The following MAGI2 variants were observed in gnomAD, a reference collection of about 807,000 sequenced individuals.
MAGI2 encodes membrane associated guanylate kinase, WW and PDZ domain containing 2, also known as membrane-associated guanylate kinase, WW and PDZ domain-containing protein 2.
MAGI2 carries 35 observed loss-of-function variants against 133.3 expected under a neutral mutation model. The ratio of observed to expected loss-of-function variants is 0.26; its 90% CI spans 0.20 to 0.35. The LOEUF (loss-of-function observed/expected upper bound fraction) is 0.35, where lower values mean the gene tolerates loss of function less well. Ranked by LOEUF, MAGI2 falls within the 10% of genes least tolerant of loss-of-function variation. MAGI2 has a pLI of 1.00. For synonymous variants in MAGI2, 729 were observed against 710.6 expected (o/e 1.03, Z -0.41); for missense variants, 1,636 against 1,863.4 (o/e 0.88, Z 2.25).
At chr7:78,694,562 T>C (rs1817302712) in intron 2 of MAGI2, among the ~76,000 whole-genome samples, 1 of 152,126 alleles carries the variant, frequency 6.6e-6, no homozygotes, top group East Asian at 1.9e-4. Context: ...CAAGCTCAAC[T>C]AGGAGTGCCC....
chr7:78,847,018 A>G (rs1044058919), intron 2 of MAGI2, among the ~76,000 whole-genome samples: 11 of 151,960 alleles, frequency 7.2e-5, no homozygotes, highest in Admixed American at 3.9e-4. Flanking sequence ...ACTTTGTTAA[A>G]ATAGCACTTC....
chr7:78,264,012 A>T (rs1793764308), intron 9 of MAGI2, among the ~76,000 whole-genome samples: 1 of 151,948 alleles, frequency 6.6e-6, no homozygotes, highest in Non-Finnish European at 1.5e-5. Context: ...TCACCTTTTA[A>T]ACCACCTTTC....
At chr7:78,311,191 A>G (rs1167699584) in intron 9 of MAGI2, among the ~76,000 whole-genome samples, 1 of 152,216 alleles carries the variant, frequency 6.6e-6, no homozygotes, top group African/African-American at 2.4e-5. Flanking sequence ...CAGGAAATAA[A>G]ATAGAGAAAG....
At chr7:79,140,933 T>C (rs1188001992) in intron 1 of MAGI2, among the ~76,000 whole-genome samples, 1 of 152,218 alleles carries the variant, frequency 6.6e-6, no homozygotes, top group African/African-American at 2.4e-5. Flanking sequence ...GGTTTGGTTA[T>C]AGCATCAATA....
intron 6 of MAGI2, among the ~76,000 whole-genome samples, chr7:78,457,478 T>A (rs1178348723): frequency 6.6e-6 from 1 of 152,224 alleles, no homozygotes; most frequent in Non-Finnish European, 1.5e-5. Flanking sequence ...TTCCTTATTT[T>A]CCAAATTGGA....
intron 1 of MAGI2, among the ~76,000 whole-genome samples, chr7:79,264,881 G>A (rs1217310632): frequency 6.6e-6 from 1 of 151,704 alleles, no homozygotes; most frequent in Non-Finnish European, 1.5e-5. Context: ...GAGAGAGAGA[G>A]CGCACGAGCA....
At chr7:79,102,288 A>G (rs899201383) in intron 1 of MAGI2, among the ~76,000 whole-genome samples, 1 of 152,182 alleles carries the variant, frequency 6.6e-6, no homozygotes, top group African/African-American at 2.4e-5. Flanking sequence ...TCTTAAAAAT[A>G]AGATCACAAT....
At position 79,043,236 on chromosome 7, in the gene MAGI2, G is replaced by A. The variant is rs577347832; in HGVS notation, c.302-36030C>T. Among the ~76,000 whole-genome samples the A allele has an allele frequency of 1.7e-4, 26 of 152,064 alleles. 2 individuals are homozygous for A. In the South Asian group the frequency reaches 5.2e-3, roughly 30 times the overall value. On this transcript the variant is annotated intron_variant, in intron 1 of 21. Transcript: ENST00000354212. Reference sequence around the variant, plus strand: ...AAAAAAAGAAATAACCAAAGTCAGAGCTGAACTGAATGAAATTGAGACACA... The same window carrying A: ...AAAAAAAGAAATAACCAAAGTCAGAACTGAACTGAATGAAATTGAGACACA...
At chr7:78,160,360 G>T in intron 15 of MAGI2, 87 bp from the exon 16 acceptor site, 1 of 1,341,014 alleles carries the variant, frequency 7.5e-7, no homozygotes, top group Non-Finnish European at 9.9e-7. Flanking sequence ...GTTCTAGACA[G>T]TGGTATTGTT....
chr7:79,148,936 GA>G (rs1470708416), intron 1 of MAGI2, among the ~76,000 whole-genome samples: 3 of 146,062 alleles, frequency 2.1e-5, no homozygotes, highest in African/African-American at 7.5e-5. Flanking sequence ...GGAGAGTGTG[GA>G]AGGAAGGAAA....
At chr7:78,027,199 C>A (rs1161678596) in intron 21 of MAGI2, among the ~76,000 whole-genome samples, 1 of 152,200 alleles carries the variant, frequency 6.6e-6, no homozygotes, top group Non-Finnish European at 1.5e-5. Context: ...GGCAGTATAA[C>A]AGAAACTTCC....
intron 2 of MAGI2, among the ~76,000 whole-genome samples, chr7:78,920,064 T>C (rs1266830326): frequency 6.6e-6 from 1 of 152,136 alleles, no homozygotes; most frequent in Non-Finnish European, 1.5e-5. Flanking sequence ...GAACTTCCCA[T>C]CAAATTCAGA....
At chr7:78,672,684 G>T (rs1417629933) in intron 2 of MAGI2, among the ~76,000 whole-genome samples, 1 of 152,198 alleles carries the variant, frequency 6.6e-6, no homozygotes, top group African/African-American at 2.4e-5. Flanking sequence ...CAGGCCAGGA[G>T]AATCAGTTTT....
intron 2 of MAGI2, among the ~76,000 whole-genome samples, chr7:78,911,493 T>C (rs976084372): frequency 3.9e-5 from 6 of 152,110 alleles, no homozygotes; most frequent in African/African-American, 1.4e-4. Context: ...AATAAGAAGA[T>C]GCCATCTATG....
At chr7:78,238,069 C>T (rs187347659) in intron 10 of MAGI2, among the ~76,000 whole-genome samples, 4 of 152,310 alleles carry the variant, frequency 2.6e-5, no homozygotes, top group Non-Finnish European at 4.4e-5. Flanking sequence ...CATAAGGCTA[C>T]TAGGACATGG....
intron 2 of MAGI2, among the ~76,000 whole-genome samples, chr7:78,729,321 C>A (rs531835202): frequency 7.9e-5 from 12 of 152,262 alleles, no homozygotes; most frequent in African/African-American, 2.6e-4. Flanking sequence ...CAGCAAATTT[C>A]TTCAAAGGGT....
chr7:78,368,233 A>C (rs566509646), intron 7 of MAGI2, among the ~76,000 whole-genome samples: 1 of 152,334 alleles, frequency 6.6e-6, no homozygotes, highest in East Asian at 1.9e-4. Context: ...AAGCTCAGTA[A>C]CCGTTTTTGA....
intron 1 of MAGI2, among the ~76,000 whole-genome samples, chr7:79,431,104 G>A (rs926561207): frequency 3.3e-5 from 5 of 152,068 alleles, no homozygotes; most frequent in Admixed American, 6.6e-5. Flanking sequence ...GATGCTGCTA[G>A]GCAAGATGAA....
chr7:79,069,874 G>A (rs992063976), intron 1 of MAGI2, among the ~76,000 whole-genome samples: 10 of 152,102 alleles, frequency 6.6e-5, no homozygotes, highest in Non-Finnish European at 2.9e-5. Flanking sequence ...AGCTTAGTTT[G>A]GATGGATATG....
Sources: allele counts gnomAD v4.1 joint callset (sites outside exome capture counted in the v4.1 genomes callset), GRCh38; gene constraint gnomAD v4.1.1; transcripts MANE v1.5; gene names NCBI Gene and HGNC (gene_info 2026-07-23, HGNC 2026-07-21).